OPHN1: variants seen among roughly 807,000 people sequenced by gnomAD.
The protein encoded by OPHN1 is oligophrenin-1.
OPHN1 carries 11 observed loss-of-function variants against 60.7 expected under a neutral mutation model. The observed-to-expected ratio is 0.18, with a 90% CI of 0.11 to 0.30. The LOEUF is 0.30. OPHN1 is among the 10% of genes least tolerant of loss of function. OPHN1 has a pLI of 1.00. For synonymous variants in OPHN1, 226 were observed against 222.6 expected (o/e 1.02, Z -0.14); for missense variants, 449 against 611.0 (o/e 0.73, Z 2.80).
intron 2 of OPHN1, among the ~76,000 whole-genome samples, chrX:68,317,593 G>A (rs193278083): frequency 0.02 from 1,595 of 80,534 alleles, 101 homozygotes; most frequent in African/African-American, 0.1. Flanking sequence ...AAGAAAGAGA[G>A]AGAAAGAAAA....
intron 6 of OPHN1, among the ~76,000 whole-genome samples, chrX:68,227,311 G>C (rs971877661): frequency 9.0e-5 from 10 of 110,538 alleles, no homozygotes; most frequent in Non-Finnish European, 1.9e-4. Context: ...AATAACGGGA[G>C]ACTTTGACAC....
At position 68,126,715 on chromosome X, in the gene OPHN1, G is replaced by A. The variant is rs1441416353; in HGVS notation, c.1277-7383C>T. Among the ~76,000 whole-genome samples, 4 of 111,831 alleles carry A rather than the reference G, an allele frequency of 3.6e-5. No homozygotes were observed. In the East Asian group the frequency reaches 1.1e-3, roughly 32 times the overall value. The stretch of plus-strand genomic sequence containing the variant: ...CAGCCTTGGCCTCCCAAAGTGCTGG[G>A]ATTACAGGCATGAGCCACTGTGCCC... On this transcript the variant is annotated intron_variant, in intron 15 of 24. Transcript: ENST00000355520.
At chrX:68,054,098 T>C (rs1004703401) in intron 21 of OPHN1, among the ~76,000 whole-genome samples, 3 of 110,393 alleles carry the variant, frequency 2.7e-5, no homozygotes, top group African/African-American at 9.9e-5. Flanking sequence ...ATCCACAATA[T>C]ATTATCTTAC....
At chrX:68,414,888 T>C (rs1398854566) in intron 2 of OPHN1, among the ~76,000 whole-genome samples, 1 of 112,172 alleles carries the variant, frequency 8.9e-6, no homozygotes, top group African/African-American at 3.2e-5. Context: ...ACTATGTCTT[T>C]AACCACTTTA....
At chrX:68,419,987 A>G (rs796137008) in intron 2 of OPHN1, among the ~76,000 whole-genome samples, 2 of 111,559 alleles carry the variant, frequency 1.8e-5, no homozygotes, top group East Asian at 5.7e-4. Context: ...CTTTAAAGAC[A>G]TCTACCTTGG....
chrX:68,338,910 A>G (rs907816401), intron 2 of OPHN1, among the ~76,000 whole-genome samples: 5 of 107,102 alleles, frequency 4.7e-5, no homozygotes, highest in Non-Finnish European at 9.6e-5. Flanking sequence ...CCCCATCTCT[A>G]CTAATAGTAA....
rs776321532 is a variant in OPHN1, at chrX:68,239,227, G to A, written c.385-4639C>T. ...CTGCTGGCAACTGCTGGTGTCTGCC[G>A]GTGTCCTCCTGGTGTCTGCCGGTGT... On this transcript the variant is annotated intron_variant, in intron 5 of 24. Coordinates refer to ENST00000355520, the MANE Select transcript of OPHN1 (RefSeq NM_002547.3). Among the ~76,000 whole-genome samples the A allele has an allele frequency of 1.2e-3, 126 of 108,439 alleles. No homozygotes were observed. The East Asian group carries it at 0.036, about 31-fold the overall frequency. The allele number at this position is 108,439 out of a possible 115,157, so 94.2% of individuals were successfully genotyped here. A position where few individuals can be genotyped will look rare whatever the true frequency, so the allele number is the denominator to read the frequency against.
chrX:68,293,441 T>C (rs1370894794), intron 3 of OPHN1, among the ~76,000 whole-genome samples: 1 of 112,263 alleles, frequency 8.9e-6, no homozygotes, highest in Non-Finnish European at 1.9e-5. Context: ...TCTAGAAGTC[T>C]GACCTTAAAT....
intron 3 of OPHN1, among the ~76,000 whole-genome samples, chrX:68,289,997 C>T (rs766197191): frequency 1.8e-4 from 20 of 110,080 alleles, no homozygotes; most frequent in Admixed American, 7.7e-4. Flanking sequence ...AAAATTGTTT[C>T]GACCCCCAAA....
At chrX:68,288,329 C>T (rs2078054813) in intron 3 of OPHN1, among the ~76,000 whole-genome samples, 1 of 111,848 alleles carries the variant, frequency 8.9e-6, no homozygotes, top group Non-Finnish European at 1.9e-5. Flanking sequence ...AATGTTCTAT[C>T]TACAGTCCCC....
chrX:68,107,503 T>A (rs1187506224), intron 18 of OPHN1, among the ~76,000 whole-genome samples: 1 of 111,833 alleles, frequency 8.9e-6, no homozygotes, highest in Non-Finnish European at 1.9e-5. Context: ...AATTAGGAGG[T>A]ACATAAGGTG....
At chrX:68,182,756 A>G (rs2077444047) in intron 15 of OPHN1, among the ~76,000 whole-genome samples, 1 of 111,255 alleles carries the variant, frequency 9.0e-6, no homozygotes, top group African/African-American at 3.3e-5. Flanking sequence ...ACCAAAAAAT[A>G]CAAAAATTAT....
At chrX:68,216,922 G>T (rs2077612391) in intron 6 of OPHN1, among the ~76,000 whole-genome samples, 1 of 112,012 alleles carries the variant, frequency 8.9e-6, no homozygotes, top group African/African-American at 3.2e-5. Context: ...AATTGGGGAG[G>T]AGCCAAGATG....
intron 15 of OPHN1, among the ~76,000 whole-genome samples, chrX:68,157,262 T>C (rs1182243290): frequency 8.9e-6 from 1 of 111,912 alleles, no homozygotes; most frequent in Non-Finnish European, 1.9e-5. Flanking sequence ...TGGACAGTGC[T>C]CCTCTGGGGA....
intron 15 of OPHN1, among the ~76,000 whole-genome samples, chrX:68,187,027 G>A (rs1039589879): frequency 4.5e-5 from 5 of 112,029 alleles, no homozygotes; most frequent in South Asian, 7.5e-4. Flanking sequence ...GAGGAAGTAA[G>A]TGAGAACGTC....
rs942723116 is a variant in OPHN1 at position 68,320,327 on chromosome X, C to T, written c.155-21231G>A. On this transcript the variant is annotated intron_variant, in intron 2 of 24. Coordinates refer to ENST00000355520, the MANE Select transcript of OPHN1 (RefSeq NM_002547.3). Reference sequence around the variant, plus strand: ...TCACGCCACTGCACTCCAGCCTGGGCGACAGAGTAAGCCTCCGTCTCAAAA... The same window carrying T: ...TCACGCCACTGCACTCCAGCCTGGGTGACAGAGTAAGCCTCCGTCTCAAAA... Among the ~76,000 whole-genome samples, 9 of 110,882 alleles carry T rather than the reference C, an allele frequency of 8.1e-5. No homozygotes were observed. The South Asian group carries it at 1.2e-3, about 14-fold the overall frequency.
chrX:68,071,541 G>A lies in OPHN1; in HGVS notation c.1834+1611C>T, dbSNP rs192450538. ...ATTCTACAGCAAATGGCTCTAAGGA[G>A]TATTGTCAGGCATAGGGACACCATC... On this transcript the variant is annotated intron_variant, in intron 20 of 24. Transcript: ENST00000355520. 2.6e-3 allele frequency: 1,583 copies of A among 610,053 alleles called. 5 individuals carry two copies. The highest frequency in any genetic ancestry group is 3.6e-3 in the Non-Finnish European group (1,242 of 347,809). 50.3% of individuals were successfully genotyped at this position (610,053 alleles called of 1,213,427 possible).
intron 21 of OPHN1, among the ~76,000 whole-genome samples, chrX:68,060,224 G>C (rs1477662323): frequency 9.0e-6 from 1 of 111,209 alleles, no homozygotes; most frequent in East Asian, 2.8e-4. Flanking sequence ...CCCCCCAAAA[G>C]TAAGTGGTCC....
At chrX:68,354,573 C>A (rs2078430607) in intron 2 of OPHN1, among the ~76,000 whole-genome samples, 1 of 103,954 alleles carries the variant, frequency 9.6e-6, no homozygotes, top group Non-Finnish European at 1.9e-5. Flanking sequence ...GCCTGGCCAA[C>A]ATGGTGAAAC....
Sources: gnomAD v4.1 joint callset for allele counts (sites outside exome capture counted in the v4.1 genomes callset) on GRCh38, gnomAD v4.1.1 for gene constraint, MANE v1.5 for transcripts, NCBI Gene and HGNC (gene_info 2026-07-23, HGNC 2026-07-21) for gene names.